Variants in FBXL13 observed in about 807,000 individuals in gnomAD.
FBXL13 encodes F-box and leucine rich repeat protein 13, also known as F-box and leucine-rich repeat protein 13.
A neutral mutation model predicts 83.6 loss-of-function variants in FBXL13; 67 were observed. The observed-to-expected ratio is 0.80, with a 90% confidence interval of 0.66 to 0.98. The LOEUF is 0.98. Ranked by LOEUF, FBXL13 falls within the 50% of genes least tolerant of loss-of-function variation. The pLI is 0.00. For missense variants in FBXL13, 822 were observed against 866.5 expected, an observed-to-expected ratio of 0.95 and a Z score of 0.64; for synonymous variants, 272 against 299.5, an observed-to-expected ratio of 0.91 and a Z score of 0.95.
At chr7:102,917,851 G>A (rs185308518) in intron 10 of FBXL13, among the ~76,000 whole-genome samples, 201 of 152,222 alleles carry the variant, frequency 1.3e-3, no homozygotes, top group Middle Eastern at 6.8e-3. Flanking sequence ...TGTGACAATA[G>A]GAATAAATAG....
At chr7:102,906,323 G>A (rs1813744188) in intron 11 of FBXL13, among the ~76,000 whole-genome samples, 1 of 152,104 alleles carries the variant, frequency 6.6e-6, no homozygotes, top group South Asian at 2.1e-4. Flanking sequence ...ATTATGTCTT[G>A]AAAAGTTGTT....
intron 10 of FBXL13, among the ~76,000 whole-genome samples, chr7:102,914,293 G>T (rs1390752926): frequency 6.6e-6 from 1 of 152,270 alleles, no homozygotes; most frequent in East Asian, 1.9e-4. Context: ...GGCTGGCCTC[G>T]AACTCCTGAC....
intron 6 of FBXL13, among the ~76,000 whole-genome samples, chr7:103,005,516 A>C (rs1294486538): frequency 2.6e-5 from 4 of 152,228 alleles, no homozygotes; most frequent in Non-Finnish European, 5.9e-5. Flanking sequence ...TAAGCAACAG[A>C]AACATATCTC....
chr7:102,998,063 T>C (rs1032001553), intron 6 of FBXL13, among the ~76,000 whole-genome samples: 5 of 152,228 alleles, frequency 3.3e-5, no homozygotes, highest in Admixed American at 1.3e-4. Context: ...CTCTGCATCC[T>C]CATAAGCATG....
chr7:102,934,376 T>C, intron 8 of FBXL13: 3 of 1,614,214 alleles, frequency 1.9e-6, no homozygotes, highest in Non-Finnish European at 2.5e-6. Context: ...CACACCTCTC[T>C]TGAGCTACCT....
At chr7:102,965,042 G>A (rs1488339989) in intron 7 of FBXL13, among the ~76,000 whole-genome samples, 1 of 152,166 alleles carries the variant, frequency 6.6e-6, no homozygotes, top group Non-Finnish European at 1.5e-5. Context: ...ACAGTATCTA[G>A]AGGACTTACT....
intron 8 of FBXL13, among the ~76,000 whole-genome samples, chr7:102,935,556 G>A (rs1301294971): frequency 6.6e-6 from 1 of 152,090 alleles, no homozygotes; most frequent in Non-Finnish European, 1.5e-5. Flanking sequence ...ACTGGGTTTT[G>A]CAACCGATGC....
At chr7:103,048,083 A>G (rs910678198) in intron 2 of FBXL13, among the ~76,000 whole-genome samples, 6 of 152,206 alleles carry the variant, frequency 3.9e-5, no homozygotes, top group African/African-American at 1.4e-4. Context: ...AATGCTTCCC[A>G]TGTAACTTAA....
rs919108632 is a variant in FBXL13, at chr7:102,877,551, A to T, written c.1551T>A (p.His517Gln). Residue 517 changes from histidine (H) to glutamine (Q), a missense_variant, in exon 16 of 20, where the codon CAT becomes CAA. His to Gln is a conservative substitution (Grantham distance 24, BLOSUM62 0). Transcript: ENST00000313221. Reference sequence around the variant, plus strand: ...TATATCCAATTCCTTGGGCAGTCAAATGTTCACAATTTCGTAAACTCAAGT... The same window carrying T: ...TATATCCAATTCCTTGGGCAGTCAATTGTTCACAATTTCGTAAACTCAAGT... The T allele has an allele frequency of 2.5e-6, 4 of 1,611,076 alleles. No individual in the cohort carries two copies. The African/African-American group carries it at 5.3e-5, about 22-fold the overall frequency.
chr7:102,945,249 A>G (rs1299904888), intron 8 of FBXL13, among the ~76,000 whole-genome samples: 2 of 152,236 alleles, frequency 1.3e-5, no homozygotes, highest in African/African-American at 2.4e-5. Context: ...GTTAGAAGCT[A>G]GGACCCTGAA....
downstream of FBXL13, among the ~76,000 whole-genome samples, chr7:102,812,092 T>C (rs775419377): frequency 1.2e-4 from 18 of 152,250 alleles, no homozygotes; most frequent in Admixed American, 2.0e-4. Context: ...ATTGAGGAAA[T>C]AGAAAGGTTA....
At chr7:102,884,218 A>T (rs1319005004) in exon 12 of FBXL13, 1 of 1,612,118 alleles carries the variant, frequency 6.2e-7, no homozygotes, top group Non-Finnish European at 8.5e-7. Context: ...ACCTACTTTT[A>T]CACAGTTGTC....
At chr7:102,942,217 C>T (rs573167549) in intron 8 of FBXL13, 25 of 1,228,160 alleles carry the variant, frequency 2.0e-5, no homozygotes, top group Non-Finnish European at 2.8e-5. Flanking sequence ...TCTTTTGAAA[C>T]AAAAAAGTAT....
intron 19 of FBXL13, 39 bp downstream of exon 20, chr7:102,822,001 T>C (rs1469212386): frequency 1.9e-6 from 3 of 1,598,142 alleles, no homozygotes; most frequent in African/African-American, 2.7e-5. Context: ...TCTCAGAAAG[T>C]AGTTCTCAAA....
At chr7:103,054,293 G>A (rs1462734519) in intron 2 of FBXL13, among the ~76,000 whole-genome samples, 2 of 151,518 alleles carry the variant, frequency 1.3e-5, no homozygotes, top group African/African-American at 4.9e-5. Context: ...GGGAGGCTGA[G>A]ACAGGAGAAT....
intron 2 of FBXL13, chr7:103,049,918 G>T (rs1449118056): frequency 6.6e-6 from 1 of 152,104 alleles, no homozygotes; most frequent in East Asian, 1.9e-4. Context: ...CAATCAGAAA[G>T]GCTCATCCCC....
At chr7:102,904,437 G>A (rs962061867) in intron 11 of FBXL13, among the ~76,000 whole-genome samples, 40 of 151,432 alleles carry the variant, frequency 2.6e-4, no homozygotes, top group Admixed American at 1.6e-3. Context: ...TGTGCACAAC[G>A]TGCAGGTTTG....
intron 19 of FBXL13, among the ~76,000 whole-genome samples, chr7:102,820,453 C>G (rs1277245597): frequency 1.3e-5 from 2 of 152,128 alleles, no homozygotes; most frequent in Non-Finnish European, 2.9e-5. Flanking sequence ...TCTTACTATG[C>G]CTTGTTTTAT....
Position 103,033,673 on chromosome 7 carries a change from C to T in FBXL13, c.1-4255G>A, listed in dbSNP as rs528223590. Among the ~76,000 whole-genome samples, 17 of 152,204 alleles carry T rather than the reference C, an allele frequency of 1.1e-4. No homozygotes were observed. The South Asian group carries it at 1.9e-3, about 17-fold the overall frequency. On this transcript the variant is annotated intron_variant, in intron 2 of 19. Transcript: ENST00000313221. ...TCAGGAGTGAAGCTGCAGACCTTCA[C>T]GGTGAGTGTTACAGCTCATAAAGGC...
Sources: gnomAD v4.1 joint callset for allele counts (sites outside exome capture counted in the v4.1 genomes callset) on GRCh38, gnomAD v4.1.1 for gene constraint, MANE v1.5 for transcripts, NCBI Gene and HGNC (gene_info 2026-07-23, HGNC 2026-07-21) for gene names.